BRAF: variants seen among roughly 807,000 people sequenced by gnomAD.
BRAF encodes B-Raf proto-oncogene, serine/threonine kinase, also known as serine/threonine-protein kinase B-raf.
BRAF carries 16 observed loss-of-function variants against 104.6 expected under a neutral mutation model. The ratio of observed to expected loss-of-function variants is 0.15; its 90% CI spans 0.10 to 0.23. The LOEUF is 0.23. Ranked by LOEUF, BRAF falls within the 10% of genes least tolerant of loss-of-function variation. BRAF has a pLI of 1.00. For synonymous variants in BRAF, 310 were observed against 341.6 expected, an observed-to-expected ratio of 0.91 and a Z score of 1.02; for missense variants, 541 against 937.3, an observed-to-expected ratio of 0.58 and a Z score of 5.52.
intron 1 of BRAF, among the ~76,000 whole-genome samples, chr7:140,864,839 T>C (rs1418288552): frequency 1.3e-5 from 2 of 152,104 alleles, no homozygotes; most frequent in African/African-American, 2.4e-5. Flanking sequence ...AAGAATGATA[T>C]GGAAGACAGA....
chr7:140,832,446 C>G (rs984617132), intron 3 of BRAF, among the ~76,000 whole-genome samples: 2 of 152,050 alleles, frequency 1.3e-5, no homozygotes, highest in Non-Finnish European at 2.9e-5. Context: ...CAAATAGTAA[C>G]TGTTAATGTT....
rs546837307 is a variant in BRAF, at chr7:140,736,196, G to T, written c.2248-1426C>A. On this transcript the variant is annotated intron_variant, in intron 18 of 19. Coordinates refer to ENST00000644969, the MANE Select transcript of BRAF (RefSeq NM_001374258.1). ...AGCGATTCTCCTGCCTCAGCCTCCC[G>T]AGTAGCTGGGATCACAGGCGTGTGC... 1.3e-3 allele frequency among the ~76,000 whole-genome samples: 200 copies of T among 150,626 alleles called. 1 individual carries two copies. The highest frequency in any genetic ancestry group is 4.4e-3 in the African/African-American group (181 of 41,040).
intron 7 of BRAF, 79 bp from the exon 8 acceptor site, chr7:140,794,546 G>A (rs1281808104): frequency 2.0e-6 from 3 of 1,484,246 alleles, no homozygotes; most frequent in African/African-American, 1.4e-5. Context: ...GAAGATAAAA[G>A]GATTTTCTTG....
intron 1 of BRAF, among the ~76,000 whole-genome samples, chr7:140,851,506 T>C (rs918507105): frequency 6.6e-6 from 1 of 152,230 alleles, no homozygotes; most frequent in Non-Finnish European, 1.5e-5. Context: ...TTTAGATTAT[T>C]CCATTTCCTC....
chr7:140,871,196 C>G (rs995272186), intron 1 of BRAF, among the ~76,000 whole-genome samples: 2 of 139,116 alleles, frequency 1.4e-5, no homozygotes, highest in Admixed American at 7.5e-5. Flanking sequence ...GAGCCGAGAT[C>G]GCGCCACTAC....
chr7:140,822,250 G>A (rs1207762442), intron 3 of BRAF: 1 of 151,776 alleles, frequency 6.6e-6, no homozygotes, highest in Non-Finnish European at 1.5e-5. Flanking sequence ...TTTCTTAAAG[G>A]CTATTAAAAA....
chr7:140,876,733 T>C (rs867043823), intron 1 of BRAF, among the ~76,000 whole-genome samples: 4 of 152,150 alleles, frequency 2.6e-5, no homozygotes, highest in African/African-American at 7.2e-5. Flanking sequence ...CTTTCAGTAA[T>C]AGAACTAGTA....
At chr7:140,778,693 TATA>T (rs146950502) in intron 12 of BRAF, among the ~76,000 whole-genome samples, 8 of 148,970 alleles carry the variant, frequency 5.4e-5, no homozygotes, top group South Asian at 2.1e-4. Flanking sequence ...AACTTAAAAG[TATA>T]ATAATAATAA....
chr7:140,772,399 C>A (rs1305185075), intron 14 of BRAF, among the ~76,000 whole-genome samples: 2 of 152,118 alleles, frequency 1.3e-5, no homozygotes, highest in African/African-American at 2.4e-5. Flanking sequence ...GAGGCAGTGG[C>A]TCGCTTGAGC....
At chr7:140,923,109 T>C (rs995880501) in intron 1 of BRAF, among the ~76,000 whole-genome samples, 1 of 151,836 alleles carries the variant, frequency 6.6e-6, no homozygotes, top group African/African-American at 2.4e-5. Context: ...AAAGATGATA[T>C]AAAGAGTAGA....
At chr7:140,857,967 A>G (rs1809988898) in intron 1 of BRAF, among the ~76,000 whole-genome samples, 1 of 152,202 alleles carries the variant, frequency 6.6e-6, no homozygotes, top group African/African-American at 2.4e-5. Context: ...TTAAATGAAA[A>G]AAATTATGCA....
At chr7:140,718,454 TGGTCA>T (rs1372721557), downstream of BRAF, among the ~76,000 whole-genome samples, 7 of 152,258 alleles carry the variant, frequency 4.6e-5, no homozygotes, top group Admixed American at 3.9e-4. Context: ...TTCTCCATGT[TGGTCA>T]GGCTGGTCTC....
chr7:140,768,531 C>G (rs1183641540), intron 14 of BRAF, among the ~76,000 whole-genome samples: 1 of 152,102 alleles, frequency 6.6e-6, no homozygotes, highest in Non-Finnish European at 1.5e-5. Context: ...CTCACTTTGT[C>G]ACCCAGGCTG....
chr7:140,877,298 G>T (rs933998805), intron 1 of BRAF, among the ~76,000 whole-genome samples: 1 of 111,998 alleles, frequency 8.9e-6, no homozygotes, highest in Non-Finnish European at 1.8e-5. Flanking sequence ...AGAGATGGGG[G>T]GGGGGGTGGG....
intron 1 of BRAF, among the ~76,000 whole-genome samples, chr7:140,862,537 A>G (rs1214663369): frequency 1.3e-5 from 2 of 152,254 alleles, no homozygotes; most frequent in African/African-American, 2.4e-5. Context: ...GGATGAATTA[A>G]AAGACTCATA....
intron 3 of BRAF, among the ~76,000 whole-genome samples, chr7:140,820,029 T>C (rs375158359): frequency 1.2e-4 from 18 of 152,328 alleles, no homozygotes; most frequent in African/African-American, 4.1e-4. Flanking sequence ...TTTTGACTTA[T>C]AAGCCTAAAC....
intron 3 of BRAF, among the ~76,000 whole-genome samples, chr7:140,833,491 T>G (rs1348635975): frequency 6.6e-6 from 1 of 152,210 alleles, no homozygotes; most frequent in Non-Finnish European, 1.5e-5. Flanking sequence ...CCCTTTTAAG[T>G]GGGGCATCCC....
At chr7:140,862,274 G>C (rs1018848764) in intron 1 of BRAF, among the ~76,000 whole-genome samples, 3 of 152,126 alleles carry the variant, frequency 2.0e-5, no homozygotes, top group Admixed American at 6.5e-5. Context: ...TATTGATAAA[G>C]ATCATAGTAG....
rs539904659 is a variant in BRAF, at chr7:140,897,062, T to A, written c.138+27504A>T. Among the ~76,000 whole-genome samples, 16 of 150,348 alleles carry A rather than the reference T, an allele frequency of 1.1e-4. 1 individual carries two copies. In the South Asian group the frequency reaches 3.3e-3, roughly 31 times the overall value. ...TACAGAATTTGACAACCTAATTCTT[T>A]TTTTTTTTTTTTAACCAAATACCTA... On this transcript the variant is annotated intron_variant, in intron 1 of 19. Coordinates refer to ENST00000644969, the MANE Select transcript of BRAF (RefSeq NM_001374258.1).
Sources: allele counts gnomAD v4.1 joint callset (sites outside exome capture counted in the v4.1 genomes callset), GRCh38; gene constraint gnomAD v4.1.1; transcripts MANE v1.5; gene names NCBI Gene and HGNC (gene_info 2026-07-23, HGNC 2026-07-21).